TRDN: variants seen among roughly 807,000 people sequenced by gnomAD.
The protein encoded by TRDN is triadin in skeletal muscle.
Under a neutral mutation model 149.7 loss-of-function variants are expected in TRDN, and 161 were observed. That is an observed-to-expected ratio of 1.08 (90% confidence interval 0.95 to 1.23). TRDN has a LOEUF of 1.23. Among genes scored for constraint, TRDN ranks in the 50% most tolerant of loss-of-function variants. The pLI, the probability that TRDN is intolerant of heterozygous loss-of-function variation, is 0.00. For synonymous variants in TRDN, 294 were observed against 250.5 expected (o/e 1.17, Z -1.64); for missense variants, 896 against 823.5 (o/e 1.09, Z -1.08).
intron 9 of TRDN, chr6:123,488,978 C>A (rs1211923245): frequency 6.6e-6 from 1 of 152,096 alleles, no homozygotes; most frequent in Non-Finnish European, 1.5e-5. Flanking sequence ...TATAAGATTT[C>A]CATAGCCTGG....
chr6:123,382,374 AT>A (rs1312409776), intron 14 of TRDN, among the ~76,000 whole-genome samples: 1 of 151,318 alleles, frequency 6.6e-6, no homozygotes, highest in Admixed American at 6.6e-5. Flanking sequence ...TATTAATAAT[AT>A]TTTATAAAGA....
chr6:123,239,452 C>A (rs1775908257), intron 38 of TRDN, among the ~76,000 whole-genome samples: 1 of 152,200 alleles, frequency 6.6e-6, no homozygotes, highest in South Asian at 2.1e-4. Context: ...AGCAAAGACA[C>A]AATCTTCTCA....
intron 1 of TRDN, among the ~76,000 whole-genome samples, chr6:123,616,272 A>G (rs1785078190): frequency 1.3e-5 from 2 of 152,078 alleles, no homozygotes; most frequent in Non-Finnish European, 2.9e-5. Context: ...TTTGAGATGC[A>G]GTGAGCTATG....
chr6:123,429,999 G>C (rs1016862823), intron 12 of TRDN, among the ~76,000 whole-genome samples: 2 of 152,170 alleles, frequency 1.3e-5, no homozygotes, highest in African/African-American at 4.8e-5. Context: ...GCTGGGTGCA[G>C]TGACTCATGC....
At chr6:123,297,697 C>T (rs9385297) in intron 24 of TRDN, among the ~76,000 whole-genome samples, 27,406 of 151,678 alleles carry the variant, frequency 0.18, 3,267 homozygotes, top group East Asian at 0.61. Flanking sequence ...GCTAGGTATA[C>T]TTCCTTCAAA....
At chr6:123,524,163 T>A (rs1052428561) in intron 5 of TRDN, among the ~76,000 whole-genome samples, 8 of 152,114 alleles carry the variant, frequency 5.3e-5, no homozygotes, top group African/African-American at 9.7e-5. Flanking sequence ...GGCTTCTAGA[T>A]GTTTAGCATG....
intron 1 of TRDN, among the ~76,000 whole-genome samples, chr6:123,597,092 C>T (rs1222807247): frequency 1.3e-5 from 2 of 152,052 alleles, no homozygotes; most frequent in Non-Finnish European, 2.9e-5. Context: ...GAGGATTCAC[C>T]ATTCTATATG....
At chr6:123,419,955 G>C (rs1413192400) in intron 12 of TRDN, among the ~76,000 whole-genome samples, 5 of 152,062 alleles carry the variant, frequency 3.3e-5, no homozygotes. Context: ...GTGAAATGAG[G>C]GTGACAATTT....
chr6:123,499,000 G>T (rs1184000698), intron 8 of TRDN, among the ~76,000 whole-genome samples: 1 of 152,120 alleles, frequency 6.6e-6, no homozygotes, highest in Admixed American at 6.6e-5. Context: ...AAATGCCATG[G>T]ATCTGGACCC....
chr6:123,229,196 T>C (rs1775501182), intron 38 of TRDN, among the ~76,000 whole-genome samples: 1 of 151,894 alleles, frequency 6.6e-6, no homozygotes, highest in African/African-American at 2.4e-5. Flanking sequence ...CATGAAAAAA[T>C]GGGCCATCTT....
intron 9 of TRDN, among the ~76,000 whole-genome samples, chr6:123,473,413 G>A (rs1347373867): frequency 1.3e-5 from 2 of 151,710 alleles, no homozygotes; most frequent in Non-Finnish European, 3.0e-5. Flanking sequence ...AAAAAGAAGT[G>A]AGCAAAGCCT....
chr6:123,517,143 A>G (rs1447430047), intron 5 of TRDN, among the ~76,000 whole-genome samples: 2 of 152,158 alleles, frequency 1.3e-5, no homozygotes, highest in Non-Finnish European at 2.9e-5. Flanking sequence ...TGCTATGAAG[A>G]AAATATGTAA....
At chr6:123,462,667 A>G (rs1776519525) in intron 10 of TRDN, 1 of 152,146 alleles carries the variant, frequency 6.6e-6, no homozygotes, top group East Asian at 1.9e-4. Context: ...CTTTAGTGCC[A>G]CATGAAAGTT....
chr6:123,261,260 T>G (rs910550551), intron 33 of TRDN, among the ~76,000 whole-genome samples: 3 of 151,910 alleles, frequency 2.0e-5, no homozygotes, highest in African/African-American at 7.2e-5. Flanking sequence ...AAACATTCAT[T>G]CATATAATAT....
At chr6:123,245,290 C>A (rs2114553877) in intron 38 of TRDN, among the ~76,000 whole-genome samples, 1 of 152,144 alleles carries the variant, frequency 6.6e-6, no homozygotes, top group Non-Finnish European at 1.5e-5. Flanking sequence ...AATTAAAAAA[C>A]ACAGACTGGT....
intron 1 of TRDN, among the ~76,000 whole-genome samples, chr6:123,618,315 T>C (rs973757784): frequency 6.6e-6 from 1 of 152,174 alleles, no homozygotes; most frequent in Non-Finnish European, 1.5e-5. Context: ...TTGTACTTTC[T>C]ACCTTCTACA....
intron 10 of TRDN, among the ~76,000 whole-genome samples, chr6:123,451,549 G>A (rs1325270716): frequency 2.0e-5 from 3 of 151,952 alleles, no homozygotes; most frequent in Non-Finnish European, 2.9e-5. Context: ...GTTTAAATCA[G>A]GAAGAATTAG....
At chr6:123,349,678 A>T (rs1277945857) in intron 21 of TRDN, 2 of 965,294 alleles carry the variant, frequency 2.1e-6, no homozygotes, top group Non-Finnish European at 2.5e-6. Flanking sequence ...AGAAATATGA[A>T]CATTCATTAT....
At chr6:123,218,847 C>T in intron 40 of TRDN, 107 bp from the exon 41 acceptor site, 1 of 1,224,422 alleles carries the variant, frequency 8.2e-7, no homozygotes, top group East Asian at 2.6e-5. Flanking sequence ...TGCCAGCAGC[C>T]TCCGTAGCTG....
Sources: allele counts gnomAD v4.1 joint callset (sites outside exome capture counted in the v4.1 genomes callset), GRCh38; gene constraint gnomAD v4.1.1; transcripts MANE v1.5; gene names NCBI Gene and HGNC (gene_info 2026-07-23, HGNC 2026-07-21).